Variants in AGXT2 observed in about 807,000 individuals in gnomAD.
The protein encoded by AGXT2 is alanine--glyoxylate aminotransferase 2, mitochondrial.
A neutral mutation model predicts 62.5 loss-of-function variants in AGXT2; 61 were observed. That is an observed-to-expected ratio of 0.98 (90% CI 0.79 to 1.21). The LOEUF (loss-of-function observed/expected upper bound fraction) is 1.21, where lower values mean the gene tolerates loss of function less well. AGXT2 is among the 50% of genes most tolerant of loss of function. The probability of loss-of-function intolerance (pLI) is 0.00; values close to 1 mark genes in which losing one functional copy is unlikely to be tolerated. For missense variants in AGXT2, 666 were observed against 641.5 expected, an observed-to-expected ratio of 1.04 and a Z score of -0.41; for synonymous variants, 243 against 218.7, an observed-to-expected ratio of 1.11 and a Z score of -0.98.
chr5:35,007,221 G>A (rs1028218967), intron 12 of AGXT2, among the ~76,000 whole-genome samples: 1 of 152,194 alleles, frequency 6.6e-6, no homozygotes, highest in Non-Finnish European at 1.5e-5. Flanking sequence ...ACCAGAAAGT[G>A]GGCCCTCGTC....
At chr5:35,016,891 A>C (rs1409822028) in intron 9 of AGXT2, among the ~76,000 whole-genome samples, 1 of 152,210 alleles carries the variant, frequency 6.6e-6, no homozygotes, top group Non-Finnish European at 1.5e-5. Context: ...TGAGAAGCAT[A>C]TGTTAGGGAC....
intron 9 of AGXT2, among the ~76,000 whole-genome samples, chr5:35,022,492 A>G (rs998556080): frequency 6.7e-6 from 1 of 149,940 alleles, no homozygotes; most frequent in African/African-American, 2.5e-5. Context: ...CAAGCACCGC[A>G]TATTCTCACT....
Position 35,026,493 on chromosome 5 carries a change from C to G in AGXT2, c.787G>C (p.Asp263His). The change falls in exon 8 of 14, where the codon GAT becomes CAT. Residue 263 changes from aspartate to histidine, a missense_variant. Physicochemically the swap from Asp to His is moderately conservative, Grantham distance 81. Transcript: ENST00000231420. The stretch of plus-strand genomic sequence containing the variant: ...TCTTTGAATTGCTCAATATACTGAT[C>G]TTTAGCTTGGCAGCAGTCTGCAAAA... The part of the protein sequence containing the change: ...SCAPDCCQAK[D>H]QYIEQFKDTL... The G allele has an allele frequency of 1.2e-6, 2 of 1,613,412 alleles. No homozygotes were observed. Among genetic ancestry groups the G allele is most frequent in the Non-Finnish European group, 1.7e-6 (2 of 1,179,686 alleles).
At position 35,027,879 on chromosome 5, in the gene AGXT2, T is replaced by C. The variant is rs533209558; in HGVS notation, c.770-1369A>G. On this transcript the variant is annotated intron_variant, in intron 7 of 13. Coordinates refer to ENST00000231420, the MANE Select transcript of AGXT2 (RefSeq NM_031900.4). ...AGGTGAAACTTTCAGTGGTGGCTCC[T>C]CCCAGTCCCTCCACTTCCATTCAGC... is the stretch of plus-strand genomic sequence containing the variant. 3.5e-4 allele frequency among the ~76,000 whole-genome samples: 52 copies of C among 150,296 alleles called. No homozygotes were observed. In the Middle Eastern group the frequency reaches 0.01, roughly 29 times the overall value.
intron 9 of AGXT2, among the ~76,000 whole-genome samples, chr5:35,023,339 A>G (rs956098825): frequency 6.6e-6 from 1 of 152,212 alleles, no homozygotes; most frequent in African/African-American, 2.4e-5. Context: ...TAACACATGC[A>G]AAGTGTTATG....
chr5:35,028,523 A>G (rs1407518295), intron 7 of AGXT2, among the ~76,000 whole-genome samples: 2 of 140,146 alleles, frequency 1.4e-5, no homozygotes, highest in African/African-American at 2.6e-5. Flanking sequence ...GTGTGTCAGA[A>G]TTGGAAGTGG....
chr5:35,041,355 C>G (rs1480663216), intron 1 of AGXT2, among the ~76,000 whole-genome samples: 1 of 149,892 alleles, frequency 6.7e-6, no homozygotes, highest in Non-Finnish European at 1.5e-5. Context: ...AAAATGCATA[C>G]TTTATAGATA....
chr5:35,026,277 A>G (rs1338252642), intron 8 of AGXT2, 133 bp downstream of exon 8: 1 of 779,508 alleles, frequency 1.3e-6, no homozygotes, highest in Non-Finnish European at 2.2e-6. Flanking sequence ...TTTTTCAAGG[A>G]GACCAAGAGA....
At chr5:35,026,595 A>T in intron 7 of AGXT2, 85 bp from the exon 8 acceptor site, 1 of 701,784 alleles carries the variant, frequency 1.4e-6, no homozygotes, top group Non-Finnish European at 2.1e-6. Flanking sequence ...GAAAAACAGG[A>T]AAAAAAAAAA....
rs1350744201 is a variant in AGXT2, at chr5:35,032,796, A to G, written c.705T>C (p.Pro235=). 3.1e-6 allele frequency: 5 copies of G among 1,607,690 alleles called. No homozygotes were observed. The highest frequency in any genetic ancestry group is 4.2e-6 in the Non-Finnish European group (5 of 1,176,994). ...AATCTCGACAGTGGCTTCCTCCCCA[A>G]GGGCCACGAAAAACATCTGGACACA... ...PTMCPDVFRG[P]WGGSHCRDSP... The change falls in exon 7 of 14, where the codon CCT becomes CCC. Residue 235 remains proline (P), a synonymous_variant. Transcript: ENST00000231420.
chr5:35,026,837 C>T, intron 7 of AGXT2: 1 of 984,976 alleles, frequency 1.0e-6, no homozygotes, highest in Non-Finnish European at 1.2e-6. Flanking sequence ...CCTAAGGATG[C>T]CCGTCCTCTC....
In AGXT2 at chr5:34,998,544, AAG is replaced by A. The variant is rs1766111974; in HGVS notation, c.*173_*174del. 9 of 632,284 alleles carry A rather than the reference AAG, an allele frequency of 1.4e-5. 1 individual carries two copies. In the South Asian group the frequency reaches 1.7e-4, roughly 12 times the overall value. The allele number at this position is 632,284 out of a possible 1,614,324, so 39.2% of individuals were successfully genotyped here. ...CCCTGAAGAATGGAGTTCTCAAGATAAGAGGGGCTCTGCTAACAAATATGGTT... is the reference window on the plus strand; with the variant it reads ...CCCTGAAGAATGGAGTTCTCAAGATAAGGGGCTCTGCTAACAAATATGGTT... On this transcript the variant is annotated 3_prime_UTR_variant, in exon 14 of 14. Transcript: ENST00000231420.
Position 35,010,130 on chromosome 5 carries a change from A to G in AGXT2, c.1208T>C (p.Leu403Pro). Reference sequence around the variant, plus strand: ...CCCAACTTCTTGACTGTTTTCCTGTAGATTTTCTTCTTTAATCACCTGTTA... The same window carrying G: ...CCCAACTTCTTGACTGTTTTCCTGTGGATTTTCTTCTTTAATCACCTGTTA... ...AVLEVIKEENLQENSQEVGTY... is the reference protein window; with the variant it reads ...AVLEVIKEENPQENSQEVGTY... Residue 403 changes from leucine to proline, a missense_variant, in exon 12 of 14, where the codon CTA becomes CCA. Physicochemically the swap from Leu to Pro is moderately conservative, Grantham distance 98. Transcript: ENST00000231420. 1.2e-6 allele frequency: 2 copies of G among 1,614,214 alleles called. No individual in the cohort carries two copies. The highest frequency in any genetic ancestry group is 1.7e-6 in the Non-Finnish European group (2 of 1,180,032).
intron 13 of AGXT2, among the ~76,000 whole-genome samples, chr5:35,003,106 A>T (rs1257366080): frequency 6.6e-6 from 1 of 152,192 alleles, no homozygotes; most frequent in Non-Finnish European, 1.5e-5. Context: ...TGTGCAGGGC[A>T]AGCCAGGGTC....
intron 9 of AGXT2, among the ~76,000 whole-genome samples, chr5:35,025,152 G>A (rs1303944007): frequency 6.6e-6 from 1 of 152,182 alleles, no homozygotes; most frequent in East Asian, 1.9e-4. Context: ...AAGGCGGGCG[G>A]ATCACTTGAG....
At chr5:35,002,277 C>A (rs1766256505) in intron 13 of AGXT2, among the ~76,000 whole-genome samples, 3 of 152,040 alleles carry the variant, frequency 2.0e-5, no homozygotes, top group South Asian at 4.1e-4. Context: ...GCTGGGAGAA[C>A]TTTAAGTCTG....
At chr5:35,020,823 C>T (rs554967564) in intron 9 of AGXT2, among the ~76,000 whole-genome samples, 2 of 152,134 alleles carry the variant, frequency 1.3e-5, no homozygotes, top group South Asian at 4.2e-4. Context: ...TCTAGAAAAC[C>T]CCATTGTCTC....
At position 35,022,249 on chromosome 5, in the gene AGXT2, C is replaced by T. The variant is rs200136205; in HGVS notation, c.963+3514G>A. ...TATATACCCAAAGGACTATAAATCACGCTGCTATAAAGACACATGCACACG... is the reference window on the plus strand; with the variant it reads ...TATATACCCAAAGGACTATAAATCATGCTGCTATAAAGACACATGCACACG... On this transcript the variant is annotated intron_variant, in intron 9 of 13. Coordinates refer to ENST00000231420, the MANE Select transcript of AGXT2 (RefSeq NM_031900.4). 1.4e-3 allele frequency among the ~76,000 whole-genome samples: 220 copies of T among 152,044 alleles called. 2 individuals carry two copies. In the East Asian group the frequency reaches 0.025, roughly 18 times the overall value.
rs148618899 is a variant in AGXT2 at position 35,017,578 on chromosome 5, G to A, written c.964-3459C>T. On this transcript the variant is annotated intron_variant, in intron 9 of 13. Coordinates refer to ENST00000231420, the MANE Select transcript of AGXT2 (RefSeq NM_031900.4). ...ATGTAAGATGTGCCTTCTGCATTCCGCCATGATTGTTAGGCCTCCCCAACC... is the reference window on the plus strand; with the variant it reads ...ATGTAAGATGTGCCTTCTGCATTCCACCATGATTGTTAGGCCTCCCCAACC... 4.3e-4 allele frequency among the ~76,000 whole-genome samples: 66 copies of A among 152,230 alleles called. 1 individual carries two copies. The East Asian group carries it at 5.2e-3, about 12-fold the overall frequency.
Sources: allele counts gnomAD v4.1 joint callset (sites outside exome capture counted in the v4.1 genomes callset), GRCh38; gene constraint gnomAD v4.1.1; transcripts MANE v1.5; gene names NCBI Gene and HGNC (gene_info 2026-07-23, HGNC 2026-07-21).